Variants in ZIC5 observed in about 807,000 individuals in gnomAD.
ZIC5 encodes the protein zinc finger protein ZIC 5.
ZIC5 carries 20 observed loss-of-function variants against 28.5 expected under a neutral mutation model. The ratio of observed to expected loss-of-function variants is 0.70; its 90% CI spans 0.49 to 1.02. The LOEUF is 1.02. Ranked by LOEUF, ZIC5 falls within the 50% of genes least tolerant of loss-of-function variation. ZIC5 has a pLI of 0.00. For missense variants in ZIC5, 951 were observed against 899.7 expected (o/e 1.06, Z -0.73); for synonymous variants, 488 against 410.4 (o/e 1.19, Z -2.29).
intron 1 of ZIC5, among the ~76,000 whole-genome samples, chr13:99,968,435 C>T (rs1008889721): frequency 3.2e-4 from 48 of 151,314 alleles, no homozygotes; most frequent in Non-Finnish European, 6.5e-4. Context: ...GTCCCCCGCG[C>T]CCCCCCCGAC....
intron 1 of ZIC5, among the ~76,000 whole-genome samples, chr13:99,967,999 A>G (rs2053113017): frequency 6.6e-6 from 1 of 152,232 alleles, no homozygotes; most frequent in South Asian, 2.1e-4. Flanking sequence ...GGACCCCGCC[A>G]GCTCCTAGCA....
intron 1 of ZIC5, among the ~76,000 whole-genome samples, chr13:99,966,523 G>T (rs975065863): frequency 2.6e-5 from 4 of 152,328 alleles, no homozygotes; most frequent in Middle Eastern, 3.4e-3. Flanking sequence ...GTTGACCTCT[G>T]CATTCTACAG....
Position 99,970,828 on chromosome 13 carries a change from A to G in ZIC5, c.776T>C (p.Leu259Pro). ...HPHPLNGQMR[L>P]GLAAAAAAAA... is the part of the protein sequence containing the mutation. ...GGCTGCCGCTGCCGCCGCCAGCCCC[A>G]GGCGCATCTGGCCGTTGAGCGGGTG... The change falls in exon 1 of 2, where the codon CTG becomes CCG. Residue 259 changes from leucine (L) to proline (P), a missense_variant. By Grantham distance (98) the Leu-to-Pro change is moderately conservative. Around this residue, in one of 3 missense-constraint regions of ZIC5, gnomAD observed 784 missense variants for 660.1 expected, o/e 1.19. Coordinates refer to ENST00000267294, the MANE Select transcript of ZIC5 (RefSeq NM_033132.5). 8.1e-7 allele frequency: 1 copy of G among 1,229,196 alleles called. No homozygotes were observed. Among genetic ancestry groups the G allele is most frequent in the Non-Finnish European group, 1.0e-6 (1 of 991,300 alleles). 76.1% of individuals were successfully genotyped at this position (1,229,196 alleles called of 1,614,324 possible).
Position 99,965,286 on chromosome 13 carries a change from G to A in ZIC5, c.*91C>T, listed in dbSNP as rs1466767815. The A allele has an allele frequency of 1.9e-5, 24 of 1,264,952 alleles. No individual in the cohort carries two copies. Among genetic ancestry groups the A allele is most frequent in the East Asian group, 7.7e-5 (3 of 38,904 alleles). 78.4% of individuals were successfully genotyped at this position (1,264,952 alleles called of 1,614,324 possible). ...AGACCCGGTGGCAAGTCTGAGTCAC[G>A]GGTTTGTCTCAGGCTCGGCATTGTC... On this transcript the variant is annotated 3_prime_UTR_variant, in exon 2 of 2. Coordinates refer to ENST00000267294, the MANE Select transcript of ZIC5 (RefSeq NM_033132.5).
In ZIC5 at chr13:99,971,075, T is replaced by G. The variant is rs2053152924; in HGVS notation, c.529A>C (p.Arg177=). The G allele has an allele frequency of 2.1e-6, 3 of 1,432,086 alleles. No homozygotes were observed. Among genetic ancestry groups the G allele is most frequent in the Non-Finnish European group, 2.7e-6 (3 of 1,103,898 alleles). The allele number at this position is 1,432,086 out of a possible 1,614,324, so 88.7% of individuals were successfully genotyped here. A position where few individuals can be genotyped will look rare whatever the true frequency, so the allele number is the denominator to read the frequency against. The change falls in exon 1 of 2, where the codon AGG becomes CGG. Residue 177 remains arginine, a synonymous_variant. Transcript: ENST00000267294. ...GCGGGGGCCGTGGCGGAAAGGTCCC[T>G]CCGGAGGACGAAGTCCCTGCTGTGG... The part of the protein sequence containing the change: ...KGHSRDFVLR[R]DLSATAPAAA...
intron 1 of ZIC5, among the ~76,000 whole-genome samples, chr13:99,968,029 C>A (rs954907067): frequency 1.3e-5 from 2 of 152,192 alleles, no homozygotes; most frequent in Non-Finnish European, 2.9e-5. Flanking sequence ...CCCGAGAGAG[C>A]GCGAGTCGGG....
rs763689171 is a variant in ZIC5, at chr13:99,970,118, G to C, written c.1477+9C>G. ...GGCGGCGGCGGCGCGGCCGGGGACA[G>C]ACACCCACCTGTATGAGTACGCTTG... On this transcript the variant is annotated intron_variant, in intron 1 of 1. Transcript: ENST00000267294. 1.8e-5 allele frequency: 29 copies of C among 1,605,918 alleles called. No homozygotes were observed. The highest frequency in any genetic ancestry group is 2.4e-5 in the Non-Finnish European group (28 of 1,176,874).
Position 99,963,050 on chromosome 13 carries a change from TG to T in ZIC5, c.*2326del. The T allele has an allele frequency of 6.6e-6, 1 of 152,446 alleles. No individual in the cohort carries two copies. The highest frequency in any genetic ancestry group is 3.4e-3 in the Middle Eastern group (1 of 294). 9.4% of individuals were successfully genotyped at this position (152,446 alleles called of 1,614,324 possible). On this transcript the variant is annotated 3_prime_UTR_variant, in exon 2 of 2. Transcript: ENST00000267294. ...ATAACAAGAATACCTTTATTAAATT[TG>T]TTACTTCATAATCATTCTTGCTTGC...
At position 99,965,229 on chromosome 13, in the gene ZIC5, T is replaced by C. The variant is rs2053090110; in HGVS notation, c.*148A>G. The C allele has an allele frequency of 3.9e-6, 2 of 513,476 alleles. No homozygotes were observed. The highest frequency in any genetic ancestry group is 4.1e-5 in the South Asian group (1 of 24,570). 31.8% of individuals were successfully genotyped at this position (513,476 alleles called of 1,614,324 possible). On this transcript the variant is annotated 3_prime_UTR_variant, in exon 2 of 2. Transcript: ENST00000267294. ...AAATTAATTAAATGTACAAACACCA[T>C]AGGGTTTCATACTGAATAAATAGGG...
At position 99,970,688 on chromosome 13, in the gene ZIC5, C is replaced by T. The variant is rs1566398749; in HGVS notation, c.916G>A (p.Val306Met). ...GCCGCCAGGTTCAGGTTTAAGTTCACGGCTCCGTAGCCGTGCAGGGCGGCC... is the reference window on the plus strand; with the variant it reads ...GCCGCCAGGTTCAGGTTTAAGTTCATGGCTCCGTAGCCGTGCAGGGCGGCC... ...AAAALHGYGA[V>M]NLNLNLAAAA... The change falls in exon 1 of 2, where the codon GTG becomes ATG. Residue 306 changes from valine to methionine, a missense_variant. Coordinates refer to ENST00000267294, the MANE Select transcript of ZIC5 (RefSeq NM_033132.5). The T allele has an allele frequency of 7.5e-6, 9 of 1,193,360 alleles. No homozygotes were observed. Among genetic ancestry groups the T allele is most frequent in the Admixed American group, 3.8e-5 (1 of 26,330 alleles). The allele number at this position is 1,193,360 out of a possible 1,614,324, so 73.9% of individuals were successfully genotyped here.
In ZIC5 at chr13:99,971,355, G is replaced by T. The variant is rs1162708642; in HGVS notation, c.249C>A (p.Pro83=). Residue 83 remains proline, a synonymous_variant, in exon 1 of 2, where the codon CCC becomes CCA. Coordinates refer to ENST00000267294, the MANE Select transcript of ZIC5 (RefSeq NM_033132.5). ...CCGGGTGTGCCGGGAACGCCTGGGA[G>T]GGAGGGCTGAGGCCCAGCGTGCTCG... is the stretch of plus-strand genomic sequence containing the variant. ...AQASTLGLSP[P]SQAFPAHPEA... is the part of the protein sequence containing the mutation. 7.0e-7 allele frequency: 1 copy of T among 1,438,338 alleles called. No homozygotes were observed. The highest frequency in any genetic ancestry group is 3.0e-5 in the Admixed American group (1 of 33,770). The allele number at this position is 1,438,338 out of a possible 1,614,324, so 89.1% of individuals were successfully genotyped here.
chr13:99,965,229 T>G lies in ZIC5; in HGVS notation c.*148A>C. 3 of 513,474 alleles carry G rather than the reference T, an allele frequency of 5.8e-6. No individual in the cohort carries two copies. Among genetic ancestry groups the G allele is most frequent in the Non-Finnish European group, 6.5e-6 (2 of 308,372 alleles). The allele number at this position is 513,474 out of a possible 1,614,324, so 31.8% of individuals were successfully genotyped here. ...AAATTAATTAAATGTACAAACACCA[T>G]AGGGTTTCATACTGAATAAATAGGG... On this transcript the variant is annotated 3_prime_UTR_variant, in exon 2 of 2. Transcript: ENST00000267294.
chr13:99,967,170 T>C (rs1029400971), intron 1 of ZIC5, among the ~76,000 whole-genome samples: 1 of 152,242 alleles, frequency 6.6e-6, no homozygotes, highest in Non-Finnish European at 1.5e-5. Context: ...TCTGCAGATA[T>C]TTTACTGTAG....
Position 99,965,256 on chromosome 13 carries a change from T to A in ZIC5, c.*121A>T. 3 of 818,690 alleles carry A rather than the reference T, an allele frequency of 3.7e-6. No homozygotes were observed. Among genetic ancestry groups the A allele is most frequent in the Non-Finnish European group, 5.7e-6 (3 of 529,574 alleles). The allele number at this position is 818,690 out of a possible 1,614,324, so 50.7% of individuals were successfully genotyped here. A position where few individuals can be genotyped will look rare whatever the true frequency, so the allele number is the denominator to read the frequency against. ...GGGTTTCATACTGAATAAATAGGGC[T>A]AATTAGACCCGGTGGCAAGTCTGAG... On this transcript the variant is annotated 3_prime_UTR_variant, in exon 2 of 2. Coordinates refer to ENST00000267294, the MANE Select transcript of ZIC5 (RefSeq NM_033132.5).
chr13:99,964,965 T>C lies in ZIC5; in HGVS notation c.*412A>G, dbSNP rs1211617639. 6.7e-6 allele frequency: 1 copy of C among 149,798 alleles called. No individual in the cohort carries two copies. The highest frequency in any genetic ancestry group is 2.5e-5 in the African/African-American group (1 of 40,676). The allele number at this position is 149,798 out of a possible 1,614,324, so 9.3% of individuals were successfully genotyped here. On this transcript the variant is annotated 3_prime_UTR_variant, in exon 2 of 2. Transcript: ENST00000267294. ...CAGAGGGCCTTGGTGCTGTGTTAAG[T>C]TCTGACTTAATGCTCTTTTTCTCCC...
chr13:99,971,006 C>T lies in ZIC5; in HGVS notation c.598G>A (p.Gly200Ser), dbSNP rs1419045283. The stretch of plus-strand genomic sequence containing the variant: ...GCCGGGTGCTGGGGGGAGCCGGTGC[C>T]GGACCGCTGCTCCCCTCCGAGCGGG... ...GAPLGGEQRSGTGSPQHPAPP... is the reference protein window; with the variant it reads ...GAPLGGEQRSSTGSPQHPAPP... Residue 200 changes from glycine to serine, a missense_variant, in exon 1 of 2, where the codon GGC becomes AGC. Coordinates refer to ENST00000267294, the MANE Select transcript of ZIC5 (RefSeq NM_033132.5). 1.4e-6 allele frequency: 2 copies of T among 1,410,540 alleles called. No homozygotes were observed. The highest frequency in any genetic ancestry group is 3.1e-5 in the East Asian group (1 of 32,694). 87.4% of individuals were successfully genotyped at this position (1,410,540 alleles called of 1,614,324 possible). A position where few individuals can be genotyped will look rare whatever the true frequency, so the allele number is the denominator to read the frequency against.
intron 1 of ZIC5, among the ~76,000 whole-genome samples, chr13:99,967,742 A>T (rs2053110699): frequency 6.6e-6 from 1 of 152,236 alleles, no homozygotes; most frequent in Non-Finnish European, 1.5e-5. Flanking sequence ...GTGGAAGGAA[A>T]GGTAGAACAT....
At chr13:99,968,907 GC>G (rs1261982741) in intron 1 of ZIC5, among the ~76,000 whole-genome samples, 2 of 152,266 alleles carry the variant, frequency 1.3e-5, no homozygotes, top group South Asian at 2.1e-4. Context: ...CGACGCTGCT[GC>G]CCCCGCAGAG....
Position 99,971,341 on chromosome 13 carries a change from G to A in ZIC5, c.263C>T (p.Pro88Leu), listed in dbSNP as rs1000611457. 2.1e-5 allele frequency: 29 copies of A among 1,408,326 alleles called. No individual in the cohort carries two copies. Among genetic ancestry groups the A allele is most frequent in the Admixed American group, 3.4e-5 (1 of 29,330 alleles). The allele number at this position is 1,408,326 out of a possible 1,614,324, so 87.2% of individuals were successfully genotyped here. The change falls in exon 1 of 2, where the codon CCG becomes CTG. Residue 88 changes from proline (P) to leucine (L), a missense_variant. By Grantham distance (98) the Pro-to-Leu change is moderately conservative. Transcript: ENST00000267294. ...GGCTGCCGGAGCCTCCGGGTGTGCC[G>A]GGAACGCCTGGGAGGGAGGGCTGAG... ...LGLSPPSQAF[P>L]AHPEAPAAAA... is the part of the protein sequence containing the mutation.
Sources: gnomAD v4.1 joint callset for allele counts (sites outside exome capture counted in the v4.1 genomes callset) on GRCh38, gnomAD v4.1.1 for gene constraint, gnomAD v4.1.1 regional missense constraint, MANE v1.5 for transcripts, NCBI Gene and HGNC (gene_info 2026-07-23, HGNC 2026-07-21) for gene names.